Variants in BTRC observed in about 807,000 individuals in gnomAD.
BTRC encodes beta-transducin repeat containing E3 ubiquitin protein ligase.
A neutral mutation model predicts 85.5 loss-of-function variants in BTRC; 42 were observed. That is an observed-to-expected ratio of 0.49 (90% CI 0.38 to 0.64). The LOEUF (loss-of-function observed/expected upper bound fraction) is 0.64. Ranked by LOEUF, BTRC falls within the 30% of genes least tolerant of loss-of-function variation. The pLI, the probability that BTRC is intolerant of heterozygous loss-of-function variation, is 0.00. For missense variants in BTRC, 594 were observed against 743.5 expected (o/e 0.80, Z 2.34); for synonymous variants, 255 against 263.3 (o/e 0.97, Z 0.30).
At chr10:101,416,675 A>G (rs1403390565) in intron 1 of BTRC, among the ~76,000 whole-genome samples, 4 of 152,136 alleles carry the variant, frequency 2.6e-5, no homozygotes, top group African/African-American at 9.7e-5. Flanking sequence ...TTAGTTTTTC[A>G]GCATCTTACT....
chr10:101,531,256 AAC>A lies in BTRC; in HGVS notation c.765_766del (p.Asn255LysfsTer4), dbSNP rs1437240364. 6 of 1,607,754 alleles carry A rather than the reference AAC, an allele frequency of 3.7e-6. No homozygotes were observed. The highest frequency in any genetic ancestry group is 5.1e-6 in the Non-Finnish European group (6 of 1,174,478). On this transcript the variant is annotated frameshift_variant, in exon 7 of 15. Transcript: ENST00000370187. LOFTEE classifies it high-confidence loss of function. ...RRGWGQYLFK[N>X]KPPDGNAPPN... Reference sequence around the variant, plus strand: ...TTTTAGGGGACAGTATTTATTCAAAAACAAACCTCCTGACGGGAATGCTCCTC... The same window carrying A: ...TTTTAGGGGACAGTATTTATTCAAAAAAACCTCCTGACGGGAATGCTCCTC...
chr10:101,531,243 GTATT>G lies in BTRC; in HGVS notation c.755_758del (p.Leu252SerfsTer30). On this transcript the variant is annotated frameshift_variant, in exon 7 of 15. Transcript: ENST00000370187. LOFTEE classifies it high-confidence loss of function. ...AATATTTGTTATTTTTTAGGGGACAGTATTTATTCAAAAACAAACCTCCTGACGG... is the reference window on the plus strand; with the variant it reads ...AATATTTGTTATTTTTTAGGGGACAGTATTCAAAAACAAACCTCCTGACGG... The G allele has an allele frequency of 1.3e-6, 2 of 1,593,412 alleles. No individual in the cohort carries two copies. The highest frequency in any genetic ancestry group is 1.7e-6 in the Non-Finnish European group (2 of 1,161,842).
intron 13 of BTRC, among the ~76,000 whole-genome samples, chr10:101,539,219 G>A (rs1156486792): frequency 6.6e-6 from 1 of 152,164 alleles, no homozygotes; most frequent in Non-Finnish European, 1.5e-5. Context: ...AAGGAGGAAT[G>A]CACTAAATTA....
intron 13 of BTRC, among the ~76,000 whole-genome samples, chr10:101,542,524 CTA>C (rs879487404): frequency 1.3e-5 from 2 of 152,152 alleles, no homozygotes; most frequent in Non-Finnish European, 2.9e-5. Flanking sequence ...ATGTCTCCCA[CTA>C]TAGTTTTGAA....
chr10:101,458,981 TTTG>T, intron 2 of BTRC, among the ~76,000 whole-genome samples: 1 of 152,326 alleles, frequency 6.6e-6, no homozygotes, highest in East Asian at 1.9e-4. Flanking sequence ...TACTTAGGTT[TTTG>T]AGATGGTGTC....
chr10:101,497,164 G>A (rs1018091772), intron 4 of BTRC, among the ~76,000 whole-genome samples: 44 of 152,158 alleles, frequency 2.9e-4, no homozygotes, highest in African/African-American at 9.4e-4. Flanking sequence ...ATTGAAATGT[G>A]TAGTTCCCAT....
chr10:101,535,322 A>G, intron 10 of BTRC, 32 bp from the exon 11 acceptor site: 1 of 1,548,028 alleles, frequency 6.5e-7, no homozygotes, highest in South Asian at 1.1e-5. Flanking sequence ...AAAAGCACCA[A>G]ATCAACTGCT....
chr10:101,489,748 A>G (rs1046576334), intron 4 of BTRC, among the ~76,000 whole-genome samples: 10 of 152,178 alleles, frequency 6.6e-5, no homozygotes, highest in African/African-American at 2.4e-4. Flanking sequence ...GGAAAGTTTC[A>G]TCTGACTAGT....
At chr10:101,362,971 C>T (rs1942256170) in intron 1 of BTRC, among the ~76,000 whole-genome samples, 1 of 152,104 alleles carries the variant, frequency 6.6e-6, no homozygotes, top group African/African-American at 2.4e-5. Context: ...AGGTTATGTG[C>T]CGTTTAAGGC....
In BTRC at chr10:101,531,261, ACCT is replaced by A. The variant is rs1295126964; in HGVS notation, c.772_774del (p.Pro258del). 10 of 1,608,816 alleles carry A rather than the reference ACCT, an allele frequency of 6.2e-6. No homozygotes were observed. The highest frequency in any genetic ancestry group is 1.7e-4 in the Middle Eastern group (1 of 6,060). ...GGGGACAGTATTTATTCAAAAACAA[ACCT>A]CCTGACGGGAATGCTCCTCCCAACT... On this transcript the variant is annotated inframe_deletion, in exon 7 of 15. Transcript: ENST00000370187.
intron 2 of BTRC, among the ~76,000 whole-genome samples, chr10:101,453,251 A>AT (rs201728166): frequency 0.015 from 2,228 of 152,222 alleles, 35 homozygotes; most frequent in Admixed American, 0.059. Context: ...CGGTCTCAGG[A>AT]TTTTTTCCTT....
chr10:101,461,301 C>T (rs181305943), intron 2 of BTRC, among the ~76,000 whole-genome samples: 61 of 152,164 alleles, frequency 4.0e-4, no homozygotes, highest in Admixed American at 2.4e-3. Context: ...TGTATTTTGC[C>T]TTGTAGATAG....
chr10:101,539,943 G>C (rs2062441269), intron 13 of BTRC, among the ~76,000 whole-genome samples: 1 of 152,106 alleles, frequency 6.6e-6, no homozygotes, highest in Non-Finnish European at 1.5e-5. Context: ...ATCTCCTTTG[G>C]TGAAGTGTGT....
At chr10:101,516,535 A>C (rs1441804534) in intron 4 of BTRC, among the ~76,000 whole-genome samples, 2 of 152,202 alleles carry the variant, frequency 1.3e-5, no homozygotes, top group Non-Finnish European at 2.9e-5. Context: ...AGGGGTGGTG[A>C]CTAAAATGTA....
chr10:101,357,511 A>C (rs1251713286), intron 1 of BTRC, among the ~76,000 whole-genome samples: 1 of 151,814 alleles, frequency 6.6e-6, no homozygotes, highest in Admixed American at 6.6e-5. Context: ...TACACATGGA[A>C]GAACTATCCT....
intron 4 of BTRC, among the ~76,000 whole-genome samples, chr10:101,479,955 T>C (rs1945792673): frequency 6.6e-6 from 1 of 152,216 alleles, no homozygotes; most frequent in African/African-American, 2.4e-5. Flanking sequence ...GGGCTACCTC[T>C]TTTTCATGTA....
chr10:101,530,906 G>A (rs764713374), intron 6 of BTRC, among the ~76,000 whole-genome samples: 5 of 152,212 alleles, frequency 3.3e-5, no homozygotes, highest in Non-Finnish European at 7.3e-5. Context: ...GGGTGTGATG[G>A]CTCACGCCTG....
rs74905043 is a variant in BTRC, at chr10:101,467,316, T to C, written c.234+5258T>C. On this transcript the variant is annotated intron_variant, in intron 3 of 14. Transcript: ENST00000370187. ...AAAAGGTTTAATGAAGTCCCTGATATCAGGCAGGCAGGGTTTTTTTTTTTT... is the reference window on the plus strand; with the variant it reads ...AAAAGGTTTAATGAAGTCCCTGATACCAGGCAGGCAGGGTTTTTTTTTTTT... 7.0e-4 allele frequency among the ~76,000 whole-genome samples: 104 copies of C among 148,870 alleles called. 2 individuals carry two copies. Among genetic ancestry groups the C allele is most frequent in the Admixed American group, 5.9e-3 (86 of 14,638 alleles).
chr10:101,398,333 G>A (rs377358967), intron 1 of BTRC, among the ~76,000 whole-genome samples: 8 of 151,704 alleles, frequency 5.3e-5, no homozygotes. Context: ...TTTTGAGACG[G>A]ACTCTTGCTC....
Sources: allele counts gnomAD v4.1 joint callset (sites outside exome capture counted in the v4.1 genomes callset), GRCh38; gene constraint gnomAD v4.1.1; transcripts MANE v1.5; gene names NCBI Gene and HGNC (gene_info 2026-07-23, HGNC 2026-07-21).